RIPOR3: variants seen among roughly 807,000 people sequenced by gnomAD.
The protein encoded by RIPOR3 is RIPOR family member 3.
Under a neutral mutation model 114.3 loss-of-function variants are expected in RIPOR3, and 95 were observed. The ratio of observed to expected loss-of-function variants is 0.83; its 90% CI spans 0.70 to 0.99. The LOEUF (loss-of-function observed/expected upper bound fraction) is 0.99, where lower values mean the gene tolerates loss of function less well. RIPOR3 is among the 50% of genes least tolerant of loss of function. The pLI, the probability that RIPOR3 is intolerant of heterozygous loss-of-function variation, is 0.00. For synonymous variants in RIPOR3, 575 were observed against 543.8 expected (o/e 1.06, Z -0.80); for missense variants, 1,252 against 1,266.9 (o/e 0.99, Z 0.18).
At chr20:50,664,540 C>T (rs1006194155) in intron 1 of RIPOR3, among the ~76,000 whole-genome samples, 10 of 152,176 alleles carry the variant, frequency 6.6e-5, no homozygotes, top group South Asian at 2.1e-4. Context: ...CAGGATCCCA[C>T]GGGAAAGGGG....
chr20:50,616,998 C>T (rs551280414), intron 3 of RIPOR3, among the ~76,000 whole-genome samples: 27 of 152,230 alleles, frequency 1.8e-4, no homozygotes, highest in South Asian at 6.2e-4. Context: ...AAAACTTAGC[C>T]GGGCATGGTG....
Position 50,602,292 on chromosome 20 carries a change from C to T in RIPOR3, c.1439G>A (p.Ser480Asn), listed in dbSNP as rs887137638. The T allele has an allele frequency of 6.8e-5, 110 of 1,613,812 alleles. No individual in the cohort carries two copies. The Middle Eastern group carries it at 2.3e-3, about 34-fold the overall frequency. ...QPGWRNLGGE[S>N]PSLPQGSLFH... ...CAGGGAGCCCTGTGGCAGGCTGGGG[C>T]TCTCCCCTCCTAAGTTCCTCCAGCC... is the stretch of plus-strand genomic sequence containing the variant. Residue 480 changes from serine to asparagine, a missense_variant, in exon 13 of 22, where the codon AGC becomes AAC. Coordinates refer to ENST00000327979, the MANE Select transcript of RIPOR3 (RefSeq NM_001290268.2). This position sits in a 1 kb window ranked among gnomAD's most constrained non-coding sequence, Gnocchi z 4.3.
chr20:50,616,119 A>T (rs1181855861), intron 3 of RIPOR3, 39 bp from the exon 4 acceptor site: 1 of 1,589,994 alleles, frequency 6.3e-7, no homozygotes, highest in Non-Finnish European at 8.6e-7. Context: ...ATGGAAGAGG[A>T]AGAAGAAAGG....
intron 1 of RIPOR3, among the ~76,000 whole-genome samples, chr20:50,634,607 C>T (rs1008051354): frequency 1.2e-4 from 18 of 152,320 alleles, no homozygotes; most frequent in Middle Eastern, 3.4e-3. Context: ...GAAAGGTTGA[C>T]GCTGCTTCCC....
At chr20:50,614,577 C>T (rs1422355062) in intron 4 of RIPOR3, 1 of 170,360 alleles carries the variant, frequency 5.9e-6, no homozygotes, top group Non-Finnish European at 1.5e-5. Flanking sequence ...AAAGGAAGAT[C>T]CTCCTGCTGA....
intron 1 of RIPOR3, among the ~76,000 whole-genome samples, chr20:50,663,988 G>A (rs192874682): frequency 3.4e-5 from 5 of 147,810 alleles, no homozygotes; most frequent in African/African-American, 7.6e-5. Flanking sequence ...GTGCAATGGC[G>A]TGGTCTCGGC....
chr20:50,594,005 T>A (rs2083199879), intron 17 of RIPOR3, among the ~76,000 whole-genome samples: 6 of 152,056 alleles, frequency 3.9e-5, no homozygotes, highest in Non-Finnish European at 8.8e-5. Flanking sequence ...GCGCAGTGGC[T>A]CATGCCTGTA....
At chr20:50,657,313 G>A (rs2085845555) in intron 1 of RIPOR3, among the ~76,000 whole-genome samples, 1 of 152,176 alleles carries the variant, frequency 6.6e-6, no homozygotes, top group African/African-American at 2.4e-5. Context: ...GATCACTTGA[G>A]GTCAGGAGTT....
intron 1 of RIPOR3, among the ~76,000 whole-genome samples, chr20:50,661,169 C>T (rs553080390): frequency 1.3e-3 from 201 of 151,692 alleles, no homozygotes; most frequent in African/African-American, 4.7e-3. Flanking sequence ...ACGCGGGAGG[C>T]GGAGGTTGCA....
At chr20:50,595,609 G>C in intron 15 of RIPOR3, 105 bp from the exon 16 acceptor site, 1 of 1,469,552 alleles carries the variant, frequency 6.8e-7, no homozygotes, top group Non-Finnish European at 9.2e-7. Flanking sequence ...TTCTGTCCCG[G>C]GGGCAGCTCC....
chr20:50,595,840 C>G (rs2083270226), intron 15 of RIPOR3, among the ~76,000 whole-genome samples: 1 of 152,190 alleles, frequency 6.6e-6, no homozygotes, highest in South Asian at 2.1e-4. Flanking sequence ...GCTTTCAGTA[C>G]CATGAGCCGA....
chr20:50,638,359 C>G lies in RIPOR3; in HGVS notation c.4-7503G>C, dbSNP rs544699568. ...CAACAGCAGGCACGGGAGTGAGGACCGGGATCCAGGGAGGCCGCTTCCCTC... is the reference window on the plus strand; with the variant it reads ...CAACAGCAGGCACGGGAGTGAGGACGGGGATCCAGGGAGGCCGCTTCCCTC... On this transcript the variant is annotated intron_variant, in intron 1 of 21. Transcript: ENST00000327979. 1.1e-4 allele frequency among the ~76,000 whole-genome samples: 16 copies of G among 152,342 alleles called. No individual in the cohort carries two copies. In the East Asian group the frequency reaches 3.1e-3, roughly 29 times the overall value.
intron 1 of RIPOR3, 124 bp downstream of exon 1, chr20:50,691,002 G>C: frequency 8.2e-7 from 1 of 1,222,604 alleles, no homozygotes; most frequent in Non-Finnish European, 1.1e-6. Flanking sequence ...TCCCTCCTCC[G>C]GCCTTGGGAG....
intron 1 of RIPOR3, among the ~76,000 whole-genome samples, chr20:50,686,725 T>TG (rs769169139): frequency 2.7e-5 from 4 of 149,282 alleles, no homozygotes; most frequent in Non-Finnish European, 5.9e-5. Flanking sequence ...CACTCCAGCC[T>TG]GGGCGACAGA....
intron 11 of RIPOR3, among the ~76,000 whole-genome samples, chr20:50,605,013 C>T (rs2083654245): frequency 6.6e-6 from 1 of 152,200 alleles, no homozygotes; most frequent in Non-Finnish European, 1.5e-5. Flanking sequence ...TCCTTGAACT[C>T]CTGGGTTCAA....
Position 50,604,632 on chromosome 20 carries a change from A to G in RIPOR3, c.1086+13T>C. 6.2e-7 allele frequency: 1 copy of G among 1,601,802 alleles called. No individual in the cohort carries two copies. Among genetic ancestry groups the G allele is most frequent in the Non-Finnish European group, 8.5e-7 (1 of 1,174,874 alleles). On this transcript the variant is annotated intron_variant, in intron 12 of 21. Coordinates refer to ENST00000327979, the MANE Select transcript of RIPOR3 (RefSeq NM_001290268.2). The stretch of plus-strand genomic sequence containing the variant: ...GTGACCACAGCGGCCCTGCCCCGGG[A>G]AGGCTCACTCACCAGGTAGTATCTC...
At chr20:50,616,664 T>C (rs1284162315) in intron 3 of RIPOR3, among the ~76,000 whole-genome samples, 1 of 152,064 alleles carries the variant, frequency 6.6e-6, no homozygotes, top group Admixed American at 6.6e-5. Context: ...ATTTTAAAGA[T>C]AGACAAACCA....
intron 6 of RIPOR3, among the ~76,000 whole-genome samples, chr20:50,609,927 C>T (rs1240242271): frequency 2.0e-5 from 3 of 151,912 alleles, no homozygotes; most frequent in Admixed American, 6.6e-5. Context: ...TAGGCAGGGA[C>T]CACATCTGCC....
intron 2 of RIPOR3, among the ~76,000 whole-genome samples, chr20:50,622,945 T>C (rs557578337): frequency 2.6e-5 from 4 of 152,244 alleles, no homozygotes; most frequent in Non-Finnish European, 4.4e-5. Context: ...TATCTGTATC[T>C]TTCCCCTGGC....
Sources: allele counts gnomAD v4.1 joint callset (sites outside exome capture counted in the v4.1 genomes callset), GRCh38; gene constraint gnomAD v4.1.1; non-coding constraint Gnocchi (gnomAD v3.1); transcripts MANE v1.5; gene names NCBI Gene and HGNC (gene_info 2026-07-23, HGNC 2026-07-21).